CDH4: variants seen among roughly 807,000 people sequenced by gnomAD.
CDH4 encodes the protein cadherin-4.
In CDH4, 33 loss-of-function variants were observed where a neutral mutation model predicts 86.0. The observed-to-expected ratio is 0.38, with a 90% confidence interval of 0.29 to 0.51. The LOEUF is 0.51. CDH4 is among the 20% of genes least tolerant of loss of function. The probability of loss-of-function intolerance (pLI) is 0.86; values close to 1 mark genes in which losing one functional copy is unlikely to be tolerated. For missense variants in CDH4, 1,114 were observed against 1,307.4 expected, an observed-to-expected ratio of 0.85 and a Z score of 2.28; for synonymous variants, 555 against 549.4, an observed-to-expected ratio of 1.01 and a Z score of -0.14.
At chr20:61,312,903 C>T (rs1216379536) in intron 2 of CDH4, among the ~76,000 whole-genome samples, 1 of 152,184 alleles carries the variant, frequency 6.6e-6, no homozygotes, top group Non-Finnish European at 1.5e-5. Flanking sequence ...GAGAAGCGAG[C>T]TTGCCTGGGA....
intron 2 of CDH4, among the ~76,000 whole-genome samples, chr20:61,611,329 T>C (rs1302748006): frequency 6.6e-6 from 1 of 152,064 alleles, no homozygotes; most frequent in Non-Finnish European, 1.5e-5. Flanking sequence ...CTCATTAGCA[T>C]AAACTCATAA....
At chr20:61,553,396 A>G (rs7274761) in intron 2 of CDH4, among the ~76,000 whole-genome samples, 13,492 of 152,302 alleles carry the variant, frequency 0.089, 790 homozygotes, top group East Asian at 0.24. Flanking sequence ...ACTAACATAC[A>G]TTGAATTATC....
At chr20:61,315,132 T>C (rs552094677) in intron 2 of CDH4, among the ~76,000 whole-genome samples, 37 of 152,234 alleles carry the variant, frequency 2.4e-4, no homozygotes, top group South Asian at 1.9e-3. Flanking sequence ...CTCAGGTGCA[T>C]AGGGGCTCAA....
rs547661897 is a variant in CDH4, at chr20:61,547,418, A to C, written c.170-196145A>C. Among the ~76,000 whole-genome samples, 13 of 151,570 alleles carry C rather than the reference A, an allele frequency of 8.6e-5. No homozygotes were observed. The East Asian group carries it at 2.5e-3, about 30-fold the overall frequency. Reference sequence around the variant, plus strand: ...TTTAGTAGAGACGGGGTTTCACTACATTAGCCAGGATGGTCTCGATCTCCT... The same window carrying C: ...TTTAGTAGAGACGGGGTTTCACTACCTTAGCCAGGATGGTCTCGATCTCCT... On this transcript the variant is annotated intron_variant, in intron 2 of 15. Coordinates refer to ENST00000614565, the MANE Select transcript of CDH4 (RefSeq NM_001794.5).
chr20:61,636,673 G>A (rs1048747491), intron 2 of CDH4, among the ~76,000 whole-genome samples: 5 of 152,276 alleles, frequency 3.3e-5, no homozygotes, highest in Admixed American at 1.3e-4. Context: ...AAGGCTGCCC[G>A]TCCCACCTGC....
intron 2 of CDH4, among the ~76,000 whole-genome samples, chr20:61,494,121 G>A (rs2145592103): frequency 6.6e-6 from 1 of 152,184 alleles, no homozygotes; most frequent in East Asian, 1.9e-4. Flanking sequence ...GCGCTCAGTG[G>A]GGCCGAGCCG....
intron 4 of CDH4, among the ~76,000 whole-genome samples, chr20:61,826,898 C>A (rs1350173967): frequency 1.3e-5 from 2 of 150,690 alleles, no homozygotes; most frequent in African/African-American, 4.9e-5. Flanking sequence ...TGATCCGGGA[C>A]CAGTAAGTTA....
At position 61,289,534 on chromosome 20, in the gene CDH4, G is replaced by GC. The variant is rs111941810; in HGVS notation, c.169+34600dup. On this transcript the variant is annotated intron_variant, in intron 2 of 15. Transcript: ENST00000614565. ...ATCTCTGTTCTGGTGCTGTGTGGGT[G>GC]CCCAGGGGCATGAGTGCCTGGGGAG... Among the ~76,000 whole-genome samples, 397 of 152,350 alleles carry GC rather than the reference G, an allele frequency of 2.6e-3. 5 individuals carry two copies. The highest frequency in any genetic ancestry group is 7.9e-3 in the African/African-American group (330 of 41,582).
At chr20:61,389,283 G>A (rs1465044202) in intron 2 of CDH4, among the ~76,000 whole-genome samples, 2 of 152,176 alleles carry the variant, frequency 1.3e-5, no homozygotes, top group Non-Finnish European at 2.9e-5. Context: ...ACCATGTGGC[G>A]GCCTGTCTCA....
chr20:61,777,124 T>C lies in CDH4; in HGVS notation c.576+3942T>C, dbSNP rs557351165. 5.7e-4 allele frequency among the ~76,000 whole-genome samples: 85 copies of C among 149,994 alleles called. 1 individual carries two copies. Among genetic ancestry groups the C allele is most frequent in the African/African-American group, 2.0e-3 (81 of 41,472 alleles). On this transcript the variant is annotated intron_variant, in intron 4 of 15. Coordinates refer to ENST00000614565, the MANE Select transcript of CDH4 (RefSeq NM_001794.5). ...AGTGCTTGGTGTGAACTGGCTGTAT[T>C]TTCTGTCTTTATTCACCTACTTACT...
chr20:61,467,869 C>G (rs1196959659), intron 2 of CDH4, among the ~76,000 whole-genome samples: 1 of 152,116 alleles, frequency 6.6e-6, no homozygotes, highest in African/African-American at 2.4e-5. Flanking sequence ...TCACAGAGCT[C>G]ACTGAAAGCT....
chr20:61,589,324 A>C (rs1192738874), intron 2 of CDH4, among the ~76,000 whole-genome samples: 2 of 151,798 alleles, frequency 1.3e-5, no homozygotes, highest in Non-Finnish European at 2.9e-5. Flanking sequence ...AAAAGGTTCA[A>C]CTTAGACTTA....
rs549406943 is a variant in CDH4, at chr20:61,936,811, C to T, written c.2619C>T (p.Ser873=). 12 of 1,610,594 alleles carry T rather than the reference C, an allele frequency of 7.5e-6. No homozygotes were observed. Among genetic ancestry groups the T allele is most frequent in the Admixed American group, 5.0e-5 (3 of 59,764 alleles). Residue 873 remains serine (S), a synonymous_variant, in exon 16 of 16, where the codon AGC becomes AGT. Transcript: ENST00000614565. ...DSLLVFDYEG[S]GSTAGSVSSL... ...TGCTGGTCTTCGACTACGAGGGGAGCGGCTCCACCGCAGGCTCCGTCAGCT... is the reference window on the plus strand; with the variant it reads ...TGCTGGTCTTCGACTACGAGGGGAGTGGCTCCACCGCAGGCTCCGTCAGCT...
chr20:61,411,347 C>T (rs528155350), intron 2 of CDH4, among the ~76,000 whole-genome samples: 6 of 148,420 alleles, frequency 4.0e-5, no homozygotes, highest in African/African-American at 1.5e-4. Flanking sequence ...TCTAGTATGA[C>T]TCTGCTTTCA....
At chr20:61,906,618 C>T (rs1430873961) in intron 8 of CDH4, among the ~76,000 whole-genome samples, 1 of 152,254 alleles carries the variant, frequency 6.6e-6, no homozygotes, top group Admixed American at 6.5e-5. Context: ...GGGAGTGGCC[C>T]TGAGCCAGGT....
intron 2 of CDH4, among the ~76,000 whole-genome samples, chr20:61,373,174 C>A (rs1226993536): frequency 6.6e-6 from 1 of 152,180 alleles, no homozygotes; most frequent in African/African-American, 2.4e-5. Context: ...ACACTCCCGC[C>A]CCCGTCTCAA....
chr20:61,905,736 C>T (rs1447712209), intron 8 of CDH4, among the ~76,000 whole-genome samples: 1 of 152,196 alleles, frequency 6.6e-6, no homozygotes, highest in Non-Finnish European at 1.5e-5. Context: ...CTGGCATGTC[C>T]CTAGGTCACT....
At chr20:61,490,062 C>T (rs2427131) in intron 2 of CDH4, among the ~76,000 whole-genome samples, 54,936 of 152,108 alleles carry the variant, frequency 0.36, 11,280 homozygotes, top group Admixed American at 0.49. Context: ...CACATTGGTT[C>T]TTGGTTTTTG....
chr20:61,307,281 AAC>A (rs1212360259), intron 2 of CDH4, among the ~76,000 whole-genome samples: 2 of 152,082 alleles, frequency 1.3e-5, no homozygotes, highest in African/African-American at 4.8e-5. Flanking sequence ...TGCATGCTCC[AAC>A]ACACATTGCA....
Sources: gnomAD v4.1 joint callset for allele counts (sites outside exome capture counted in the v4.1 genomes callset) on GRCh38, gnomAD v4.1.1 for gene constraint, MANE v1.5 for transcripts, NCBI Gene and HGNC (gene_info 2026-07-23, HGNC 2026-07-21) for gene names.